CDH18: variants seen among roughly 807,000 people sequenced by gnomAD.
The protein encoded by CDH18 is cadherin-18.
Under a neutral mutation model 67.9 loss-of-function variants are expected in CDH18, and 31 were observed. The observed-to-expected ratio is 0.46, with a 90% CI of 0.34 to 0.62. CDH18 has a LOEUF of 0.62. Among genes scored for constraint, CDH18 ranks in the 20% least tolerant of loss-of-function variants. The probability of loss-of-function intolerance (pLI) is 0.01; values close to 1 mark genes in which losing one functional copy is unlikely to be tolerated. For synonymous variants in CDH18, 362 were observed against 347.2 expected (o/e 1.04, Z -0.48); for missense variants, 890 against 975.5 (o/e 0.91, Z 1.17).
chr5:20,501,144 TA>T (rs1754223214), intron 1 of CDH18, among the ~76,000 whole-genome samples: 1 of 152,002 alleles, frequency 6.6e-6, no homozygotes, highest in South Asian at 2.1e-4. Flanking sequence ...TTACTTCCCT[TA>T]TATGAGGTTG....
chr5:20,552,588 A>C (rs761719480), intron 1 of CDH18, among the ~76,000 whole-genome samples: 3 of 152,168 alleles, frequency 2.0e-5, no homozygotes, highest in Admixed American at 6.5e-5. Flanking sequence ...CATCTCAAAT[A>C]TTGTCAGGGT....
intron 1 of CDH18, among the ~76,000 whole-genome samples, chr5:20,553,999 A>G (rs951601645): frequency 1.4e-4 from 21 of 152,306 alleles, no homozygotes; most frequent in African/African-American, 5.0e-4. Flanking sequence ...TGTTGGTACA[A>G]TTTGAACTAA....
chr5:19,746,722 T>C (rs1020098798), intron 4 of CDH18, among the ~76,000 whole-genome samples: 4 of 152,162 alleles, frequency 2.6e-5, no homozygotes, highest in African/African-American at 9.7e-5. Flanking sequence ...ATCCAACTAT[T>C]ACCTACACTT....
At chr5:19,913,985 AT>A (rs1178383430) in intron 2 of CDH18, among the ~76,000 whole-genome samples, 1 of 152,166 alleles carries the variant, frequency 6.6e-6, no homozygotes, top group Admixed American at 6.6e-5. Context: ...CTTCTATCAA[AT>A]ATGATTCTCT....
intron 5 of CDH18, among the ~76,000 whole-genome samples, chr5:19,664,632 T>A (rs1011430876): frequency 2.0e-5 from 3 of 151,932 alleles, no homozygotes; most frequent in African/African-American, 7.2e-5. Context: ...TAAATTCAAA[T>A]GAGTCTCCCC....
chr5:20,488,700 T>TACAC (rs1554008519), intron 1 of CDH18, among the ~76,000 whole-genome samples: 338 of 137,304 alleles, frequency 2.5e-3, no homozygotes, highest in Middle Eastern at 4.0e-3. Context: ...TATATATATA[T>TACAC]ACACACACAT....
intron 1 of CDH18, among the ~76,000 whole-genome samples, chr5:20,406,096 G>T (rs547971841): frequency 1.4e-4 from 21 of 152,222 alleles, no homozygotes; most frequent in African/African-American, 5.1e-4. Flanking sequence ...TATACCCAAA[G>T]GACTATAAAT....
chr5:19,821,684 A>G (rs1217851042), intron 3 of CDH18, among the ~76,000 whole-genome samples: 1 of 152,204 alleles, frequency 6.6e-6, no homozygotes, highest in Non-Finnish European at 1.5e-5. Flanking sequence ...GGTCAAAGTG[A>G]AAGAAAAAAT....
At chr5:20,525,629 T>A (rs1056915746) in intron 1 of CDH18, among the ~76,000 whole-genome samples, 1 of 152,132 alleles carries the variant, frequency 6.6e-6, no homozygotes, top group African/African-American at 2.4e-5. Flanking sequence ...TTTAAATTAA[T>A]TGACCCTACT....
At chr5:20,063,885 A>C (rs540959016) in intron 2 of CDH18, among the ~76,000 whole-genome samples, 1 of 152,278 alleles carries the variant, frequency 6.6e-6, no homozygotes, top group South Asian at 2.1e-4. Flanking sequence ...CTGTCTTCAC[A>C]ATTTGACACC....
intron 1 of CDH18, among the ~76,000 whole-genome samples, chr5:20,396,408 C>CAAAA (rs4002087): frequency 8.7e-5 from 13 of 148,796 alleles, no homozygotes; most frequent in Non-Finnish European, 1.3e-4. Flanking sequence ...GTTTATAAAG[C>CAAAA]AAAAAAAAAA....
intron 5 of CDH18, among the ~76,000 whole-genome samples, chr5:19,694,722 A>T (rs1362446811): frequency 6.6e-6 from 1 of 151,740 alleles, no homozygotes; most frequent in Non-Finnish European, 1.5e-5. Flanking sequence ...TGGAGTTTCC[A>T]GCACTTTGTA....
chr5:19,861,118 C>A (rs1784847391), intron 2 of CDH18, among the ~76,000 whole-genome samples: 1 of 152,104 alleles, frequency 6.6e-6, no homozygotes, highest in South Asian at 2.1e-4. Context: ...CATTGAGGAC[C>A]TAGATTATTA....
intron 5 of CDH18, among the ~76,000 whole-genome samples, chr5:19,653,124 C>A (rs1035295023): frequency 1.3e-5 from 2 of 151,556 alleles, no homozygotes; most frequent in Admixed American, 6.6e-5. Flanking sequence ...TAGGTTGTTG[C>A]GAAAGTAATG....
In CDH18 at chr5:19,471,973, G is replaced by A. The variant is rs1190439133; in HGVS notation, c.*1253C>T. Among the ~76,000 whole-genome samples the A allele has an allele frequency of 6.6e-6, 1 of 152,162 alleles. No homozygotes were observed. Among genetic ancestry groups the A allele is most frequent in the African/African-American group, 2.4e-5 (1 of 41,444 alleles). Reference sequence around the variant, plus strand: ...ACAACCCTGTGAGGTGGGCAGGGAAGTCATTGCCATCTCTACTTTGTGGTT... The same window carrying A: ...ACAACCCTGTGAGGTGGGCAGGGAAATCATTGCCATCTCTACTTTGTGGTT... On this transcript the variant is annotated 3_prime_UTR_variant, in exon 13 of 13. Transcript: ENST00000382275.
At chr5:20,076,669 T>G (rs1270197291) in intron 2 of CDH18, among the ~76,000 whole-genome samples, 1 of 152,082 alleles carries the variant, frequency 6.6e-6, no homozygotes, top group African/African-American at 2.4e-5. Flanking sequence ...CGGGCATGAG[T>G]ATTTGATATC....
chr5:20,552,799 G>T (rs1264165308), intron 1 of CDH18, among the ~76,000 whole-genome samples: 1 of 151,936 alleles, frequency 6.6e-6, no homozygotes, highest in Non-Finnish European at 1.5e-5. Flanking sequence ...TGTTGCCCAG[G>T]CTGGAGTGCA....
intron 2 of CDH18, among the ~76,000 whole-genome samples, chr5:19,864,305 A>T (rs1197873599): frequency 2.0e-5 from 3 of 148,900 alleles, no homozygotes; most frequent in Non-Finnish European, 4.4e-5. Context: ...ACATGTTCTC[A>T]CTCATAGGTG....
rs528755931 is a variant in CDH18 at position 19,982,498 on chromosome 5, C to T, written c.-375-1320G>A. 7.2e-5 allele frequency among the ~76,000 whole-genome samples: 11 copies of T among 152,110 alleles called. No homozygotes were observed. The East Asian group carries it at 2.1e-3, about 29-fold the overall frequency. On this transcript the variant is annotated intron_variant, in intron 1 of 12. Transcript: ENST00000382275. The stretch of plus-strand genomic sequence containing the variant: ...ATTTAATTGCCATACATTTATCATT[C>T]TTTGATTCAAATTATTAAATTAATT...
Sources: gnomAD v4.1 joint callset for allele counts (sites outside exome capture counted in the v4.1 genomes callset) on GRCh38, gnomAD v4.1.1 for gene constraint, MANE v1.5 for transcripts, NCBI Gene and HGNC (gene_info 2026-07-23, HGNC 2026-07-21) for gene names.